The following NPHP4 variants were observed in gnomAD, a reference collection of about 807,000 sequenced individuals.
The protein encoded by NPHP4 is nephrocystin-4.
Under a neutral mutation model 155.8 loss-of-function variants are expected in NPHP4, and 151 were observed. That is an observed-to-expected ratio of 0.97 (90% CI 0.85 to 1.11). The LOEUF (loss-of-function observed/expected upper bound fraction) is 1.11, where lower values mean the gene tolerates loss of function less well. Ranked by LOEUF, NPHP4 falls within the 50% of genes least tolerant of loss-of-function variation. The pLI, the probability that NPHP4 is intolerant of heterozygous loss-of-function variation, is 0.00. For synonymous variants in NPHP4, 845 were observed against 816.8 expected, an observed-to-expected ratio of 1.03 and a Z score of -0.59; for missense variants, 1,956 against 1,925.7, an observed-to-expected ratio of 1.02 and a Z score of -0.29.
At chr1:5,980,208 C>G (rs1282908393) in intron 2 of NPHP4, among the ~76,000 whole-genome samples, 2 of 152,196 alleles carry the variant, frequency 1.3e-5, no homozygotes, top group African/African-American at 4.8e-5. Context: ...CTGACCAACC[C>G]TGCGCTTCCC....
chr1:5,870,512 G>A (rs1641887032), intron 23 of NPHP4, among the ~76,000 whole-genome samples: 1 of 152,186 alleles, frequency 6.6e-6, no homozygotes, highest in Non-Finnish European at 1.5e-5. Flanking sequence ...CAGGTCATCA[G>A]TGCACACTGA....
At chr1:5,920,738 C>G (rs1271158211) in intron 11 of NPHP4, among the ~76,000 whole-genome samples, 1 of 152,130 alleles carries the variant, frequency 6.6e-6, no homozygotes, top group African/African-American at 2.4e-5. Flanking sequence ...TTCTAATCTT[C>G]TCATCTTACT....
In NPHP4 at chr1:5,866,506, C is replaced by G. The variant is rs1223439384; in HGVS notation, c.3559-48G>C. ...ATCAGGGCACACAGTGCTCTGCCGACCCCAGCCTGGCCCCTAAATCTGTGA... is the reference window on the plus strand; with the variant it reads ...ATCAGGGCACACAGTGCTCTGCCGAGCCCAGCCTGGCCCCTAAATCTGTGA... On this transcript the variant is annotated intron_variant, in intron 25 of 29. Coordinates refer to ENST00000378156, the MANE Select transcript of NPHP4 (RefSeq NM_015102.5). 3.5e-6 allele frequency: 4 copies of G among 1,144,806 alleles called. No individual in the cohort carries two copies. In the African/African-American group the frequency reaches 4.5e-5, roughly 13 times the overall value. 70.9% of individuals were successfully genotyped at this position (1,144,806 alleles called of 1,614,324 possible).
intron 11 of NPHP4, among the ~76,000 whole-genome samples, chr1:5,917,415 AG>A (rs541497915): frequency 2.0e-5 from 3 of 151,840 alleles, no homozygotes; most frequent in Non-Finnish European, 1.5e-5. Context: ...AGGGGAGGGG[AG>A]GGGGTAGGGG....
At chr1:5,964,292 C>T (rs952548537) in intron 5 of NPHP4, among the ~76,000 whole-genome samples, 1 of 152,150 alleles carries the variant, frequency 6.6e-6, no homozygotes, top group Non-Finnish European at 1.5e-5. Context: ...GTTCCTTTTT[C>T]TCACTGTTTT....
intron 21 of NPHP4, 32 bp downstream of exon 21, chr1:5,874,842 C>A: frequency 6.3e-7 from 1 of 1,598,006 alleles, no homozygotes; most frequent in Non-Finnish European, 8.6e-7. Context: ...CAGATCTGGG[C>A]TGGGGCAGGA....
chr1:5,974,155 G>A (rs143700439), intron 3 of NPHP4, among the ~76,000 whole-genome samples: 7 of 152,342 alleles, frequency 4.6e-5, no homozygotes, highest in Admixed American at 2.6e-4. Context: ...TTGCTCTGAC[G>A]AGTAAGAGCC....
At chr1:5,897,764 G>A (rs1307205365) in intron 16 of NPHP4, among the ~76,000 whole-genome samples, 1 of 152,118 alleles carries the variant, frequency 6.6e-6, no homozygotes, top group Non-Finnish European at 1.5e-5. Flanking sequence ...TGGGGAAATG[G>A]TACTATGAAA....
In NPHP4 at chr1:5,867,271, C is replaced by T; in HGVS notation, c.3473-156G>A. ...ACGGACGCCGCCACCTTTCCCAGGA[C>T]AGCATCCAAGCACTGTGTTCCCTGC... is the stretch of plus-strand genomic sequence containing the variant. On this transcript the variant is annotated intron_variant, in intron 24 of 29. Coordinates refer to ENST00000378156, the MANE Select transcript of NPHP4 (RefSeq NM_015102.5). The surrounding 1 kb of genome is among the most constrained non-coding windows in gnomAD (Gnocchi z 4.1). 3.2e-6 allele frequency: 2 copies of T among 622,450 alleles called. No individual in the cohort carries two copies. Among genetic ancestry groups the T allele is most frequent in the South Asian group, 1.9e-5 (1 of 51,732 alleles). The allele number at this position is 622,450 out of a possible 1,614,324, so 38.6% of individuals were successfully genotyped here. A position where few individuals can be genotyped will look rare whatever the true frequency, so the allele number is the denominator to read the frequency against.
chr1:5,875,492 A>G lies in NPHP4; in HGVS notation c.2818-392T>C, dbSNP rs181793065. ...GCCAGGTCCCCAACACAACTTTGGGAGCCCTGCCTGGGCCCAGCGTCCACA... is the reference window on the plus strand; with the variant it reads ...GCCAGGTCCCCAACACAACTTTGGGGGCCCTGCCTGGGCCCAGCGTCCACA... On this transcript the variant is annotated intron_variant, in intron 20 of 29. Coordinates refer to ENST00000378156, the MANE Select transcript of NPHP4 (RefSeq NM_015102.5). Among the ~76,000 whole-genome samples, 29 of 152,342 alleles carry G rather than the reference A, an allele frequency of 1.9e-4. No homozygotes were observed. In the East Asian group the frequency reaches 5.0e-3, roughly 26 times the overall value.
chr1:5,990,367 G>A (rs1003768221), intron 1 of NPHP4, among the ~76,000 whole-genome samples: 1 of 152,006 alleles, frequency 6.6e-6, no homozygotes, highest in Non-Finnish European at 1.5e-5. Flanking sequence ...GGCCTTTGGG[G>A]CCAAATCAAC....
intron 7 of NPHP4, among the ~76,000 whole-genome samples, chr1:5,952,014 T>C (rs1648178099): frequency 6.6e-6 from 1 of 152,206 alleles, no homozygotes; most frequent in Admixed American, 6.5e-5. Context: ...CAAAAGCCTC[T>C]GCCTAACAGA....
At chr1:5,917,856 G>A (rs1035310745) in intron 11 of NPHP4, among the ~76,000 whole-genome samples, 2 of 152,114 alleles carry the variant, frequency 1.3e-5, no homozygotes, top group Non-Finnish European at 2.9e-5. Context: ...GAGAAGTGAC[G>A]TGTGCCATTT....
At chr1:5,986,852 G>A (rs1363559586) in intron 1 of NPHP4, among the ~76,000 whole-genome samples, 2 of 152,144 alleles carry the variant, frequency 1.3e-5, no homozygotes, top group Admixed American at 6.5e-5. Flanking sequence ...AGCTGTGTAA[G>A]TTGGATACCA....
chr1:5,869,046 C>T (rs1641671356), intron 23 of NPHP4, among the ~76,000 whole-genome samples: 2 of 137,264 alleles, frequency 1.5e-5, no homozygotes, highest in South Asian at 2.5e-4. Flanking sequence ...TGCACACATG[C>T]CCCCACACGC....
chr1:5,909,207 G>C lies in NPHP4; in HGVS notation c.1448C>G (p.Pro483Arg), dbSNP rs759608529. ...AGCGAGAACTCGAGGTACTGGCGCTGGCGGGCCTGGGAGGAAGCACAGTGG... is the reference window on the plus strand; with the variant it reads ...AGCGAGAACTCGAGGTACTGGCGCTCGCGGGCCTGGGAGGAAGCACAGTGG... ...RKPPTSPSSP[P>R]APVPRVLAAP... Residue 483 changes from proline (P) to arginine (R), a missense_variant, in exon 12 of 30, where the codon CCA becomes CGA. By Grantham distance (103) the Pro-to-Arg change is moderately radical. Coordinates refer to ENST00000378156, the MANE Select transcript of NPHP4 (RefSeq NM_015102.5). 69 of 1,602,326 alleles carry C rather than the reference G, an allele frequency of 4.3e-5. No individual in the cohort carries two copies. Among genetic ancestry groups the C allele is most frequent in the Admixed American group, 6.9e-5 (4 of 58,364 alleles).
At position 5,906,823 on chromosome 1, in the gene NPHP4, C is replaced by T. The variant is rs143436710; in HGVS notation, c.1611+292G>A. On this transcript the variant is annotated intron_variant, in intron 13 of 29. Transcript: ENST00000378156. ...TAGCCACACCTTCCTTTTACTTTCA[C>T]GTAGAGACCTAGGGGTAGCTTAACT... Among the ~76,000 whole-genome samples the T allele has an allele frequency of 5.7e-3, 873 of 152,344 alleles. 10 individuals carry two copies. Among genetic ancestry groups the T allele is most frequent in the African/African-American group, 0.019 (774 of 41,578 alleles).
intron 16 of NPHP4, among the ~76,000 whole-genome samples, chr1:5,897,226 C>T (rs544882089): frequency 6.6e-6 from 1 of 152,246 alleles, no homozygotes; most frequent in Non-Finnish European, 1.5e-5. Context: ...ATAACTGACG[C>T]AAGCAAAGCT....
chr1:5,964,125 A>T (rs188136039), intron 5 of NPHP4, among the ~76,000 whole-genome samples: 2 of 152,356 alleles, frequency 1.3e-5, no homozygotes, highest in East Asian at 3.9e-4. Flanking sequence ...ACATTCTTCT[A>T]GACAAATTGT....
Sources: allele counts gnomAD v4.1 joint callset (sites outside exome capture counted in the v4.1 genomes callset), GRCh38; gene constraint gnomAD v4.1.1; non-coding constraint Gnocchi (gnomAD v3.1); transcripts MANE v1.5; gene names NCBI Gene and HGNC (gene_info 2026-07-23, HGNC 2026-07-21).